CKMT2: variants seen among roughly 807,000 people sequenced by gnomAD.
CKMT2 encodes creatine kinase S-type, mitochondrial.
CKMT2 carries 43 observed loss-of-function variants against 48.9 expected under a neutral mutation model. The observed-to-expected ratio is 0.88, with a 90% confidence interval of 0.69 to 1.13. The LOEUF is 1.13. Ranked by LOEUF, CKMT2 falls within the 50% of genes most tolerant of loss-of-function variation. CKMT2 has a pLI of 0.00. For synonymous variants in CKMT2, 206 were observed against 213.0 expected, an observed-to-expected ratio of 0.97 and a Z score of 0.29; for missense variants, 472 against 555.4, an observed-to-expected ratio of 0.85 and a Z score of 1.51.
At chr5:81,253,655 T>C (rs2112807640) in intron 3 of CKMT2, among the ~76,000 whole-genome samples, 1 of 152,334 alleles carries the variant, frequency 6.6e-6, no homozygotes, top group East Asian at 1.9e-4. Flanking sequence ...GTGGCTCATT[T>C]ACGTACTGCA....
chr5:81,263,361 T>C, intron 8 of CKMT2, 130 bp from the exon 9 acceptor site: 1 of 223,676 alleles, frequency 4.5e-6, no homozygotes, highest in Non-Finnish European at 8.0e-6. Context: ...ATTATAAATA[T>C]ATATATTTAT....
chr5:81,237,723 T>A (rs1225248446), intron 1 of CKMT2: 2 of 152,206 alleles, frequency 1.3e-5, no homozygotes, highest in Non-Finnish European at 2.9e-5. Context: ...CCTTCAATAC[T>A]TTTATGTTCA....
chr5:81,263,431 CCAATGATTATGAATCAA>C lies in CKMT2; in HGVS notation c.1015-59_1015-43del. 4.4e-6 allele frequency: 6 copies of C among 1,361,842 alleles called. No homozygotes were observed. In the South Asian group the frequency reaches 1.0e-4, roughly 24 times the overall value. 84.4% of individuals were successfully genotyped at this position (1,361,842 alleles called of 1,614,324 possible). ...TATATGTCTTTTGTCAGTAAACGCA[CCAATGATTATGAATCAA>C]TTTTGCCTCTTAGCACATTTAAGTA... On this transcript the variant is annotated intron_variant, in intron 8 of 9. Transcript: ENST00000254035.
chr5:81,235,813 T>C (rs530692789), intron 1 of CKMT2: 2 of 152,368 alleles, frequency 1.3e-5, no homozygotes, highest in African/African-American at 2.4e-5. Flanking sequence ...CAGGATATTA[T>C]TGCTTTTGGC....
intron 1 of CKMT2, among the ~76,000 whole-genome samples, chr5:81,250,048 G>C (rs1167055556): frequency 1.3e-5 from 2 of 152,118 alleles, no homozygotes; most frequent in Non-Finnish European, 2.9e-5. Context: ...CTTCAAATCT[G>C]ACTTCTCTGT....
intron 2 of CKMT2, among the ~76,000 whole-genome samples, chr5:81,251,648 C>T (rs1247021482): frequency 6.6e-6 from 1 of 152,136 alleles, no homozygotes; most frequent in African/African-American, 2.4e-5. Flanking sequence ...AAGAAATATG[C>T]TTTCCCCTGC....
At chr5:81,234,584 G>A (rs1440525183) in intron 1 of CKMT2, among the ~76,000 whole-genome samples, 2 of 152,172 alleles carry the variant, frequency 1.3e-5, no homozygotes, top group Admixed American at 6.5e-5. Context: ...CTTTTCCAAA[G>A]ACCCCAGACT....
intron 2 of CKMT2, 104 bp downstream of exon 2, chr5:81,251,388 C>A: frequency 1.7e-6 from 2 of 1,200,610 alleles, no homozygotes; most frequent in Middle Eastern, 3.0e-4. Context: ...GAGATCGAGA[C>A]CATCCTGGCC....
At chr5:81,256,889 T>C in intron 5 of CKMT2, 26 bp from the exon 6 acceptor site, 1 of 1,562,962 alleles carries the variant, frequency 6.4e-7, no homozygotes, top group Non-Finnish European at 8.8e-7. Context: ...GTCTCTCCTC[T>C]CTGCTTTATC....
chr5:81,240,014 T>C (rs1048771192), intron 1 of CKMT2, among the ~76,000 whole-genome samples: 1 of 151,924 alleles, frequency 6.6e-6, no homozygotes, highest in Non-Finnish European at 1.5e-5. Flanking sequence ...AGTAGACAAA[T>C]ACATATCTCT....
intron 1 of CKMT2, chr5:81,237,856 C>G (rs1024379726): frequency 2.6e-5 from 4 of 152,072 alleles, no homozygotes; most frequent in African/African-American, 9.7e-5. Context: ...AGATGGGCCT[C>G]CAGGTAAGTG....
intron 1 of CKMT2, chr5:81,250,894 G>T (rs1756781187): frequency 9.4e-6 from 3 of 318,350 alleles, no homozygotes. Context: ...AAACTACCCA[G>T]ATTTTCCCAA....
intron 1 of CKMT2, among the ~76,000 whole-genome samples, chr5:81,244,367 T>C (rs1281541065): frequency 3.3e-5 from 5 of 152,238 alleles, no homozygotes; most frequent in African/African-American, 4.8e-5. Context: ...TGCCTTGACC[T>C]GAGCAGTTCG....
intron 1 of CKMT2, among the ~76,000 whole-genome samples, chr5:81,240,844 T>C (rs757108254): frequency 1.3e-4 from 20 of 152,200 alleles, no homozygotes; most frequent in Non-Finnish European, 2.8e-4. Context: ...TTAAAAATGT[T>C]ATAATAATTA....
chr5:81,263,529 C>T lies in CKMT2; in HGVS notation c.1053C>T (p.Leu351=). 6.2e-7 allele frequency: 1 copy of T among 1,613,238 alleles called. No individual in the cohort carries two copies. Among genetic ancestry groups the T allele is most frequent in the Non-Finnish European group, 8.5e-7 (1 of 1,179,488 alleles). The change falls in exon 9 of 10, where the codon CTC becomes CTT. Residue 351 remains leucine, a synonymous_variant. Coordinates refer to ENST00000254035, the MANE Select transcript of CKMT2 (RefSeq NM_001099735.2). ...RFSKILENLR[L]QKRGTGGVDT... is the part of the protein sequence containing the mutation. The stretch of plus-strand genomic sequence containing the variant: ...CTAAGATCCTGGAAAACCTAAGACT[C>T]CAGAAGCGTGGCACAGGTGGTGTGG...
intron 8 of CKMT2, 120 bp downstream of exon 8, chr5:81,259,374 A>AAAAT (rs1757129945): frequency 5.6e-6 from 5 of 895,702 alleles, no homozygotes; most frequent in African/African-American, 1.7e-5. Flanking sequence ...CTACAATATA[A>AAAAT]AAATAAGAAA....
intron 5 of CKMT2, among the ~76,000 whole-genome samples, chr5:81,255,455 T>A (rs978944080): frequency 1.6e-4 from 24 of 152,162 alleles, no homozygotes; most frequent in African/African-American, 5.8e-4. Context: ...GAAACTCCAA[T>A]ATGGAGATGG....
intron 3 of CKMT2, among the ~76,000 whole-genome samples, chr5:81,253,378 G>A (rs1367976163): frequency 6.6e-6 from 1 of 152,106 alleles, no homozygotes; most frequent in African/African-American, 2.4e-5. Flanking sequence ...CTGTAGCCCA[G>A]ACTACTGAAT....
At chr5:81,254,359 C>G (rs1227206728) in intron 3 of CKMT2, 37 bp from the exon 4 acceptor site, 1 of 1,551,610 alleles carries the variant, frequency 6.4e-7, no homozygotes, top group East Asian at 2.2e-5. Flanking sequence ...AGTAGGTGAA[C>G]CAGTTAAAGA....
Sources: allele counts gnomAD v4.1 joint callset (sites outside exome capture counted in the v4.1 genomes callset), GRCh38; gene constraint gnomAD v4.1.1; transcripts MANE v1.5; gene names NCBI Gene and HGNC (gene_info 2026-07-23, HGNC 2026-07-21).